The following EYA1 variants were observed in gnomAD, a reference collection of about 807,000 sequenced individuals.
The protein encoded by EYA1 is EYA transcriptional coactivator and phosphatase 1, also known as protein phosphatase EYA1.
A neutral mutation model predicts 82.0 loss-of-function variants in EYA1; 16 were observed. That is an observed-to-expected ratio of 0.20 (90% CI 0.13 to 0.30). The LOEUF (loss-of-function observed/expected upper bound fraction) is 0.30, where lower values mean the gene tolerates loss of function less well. EYA1 is among the 10% of genes least tolerant of loss of function. EYA1 has a pLI of 1.00. For synonymous variants in EYA1, 261 were observed against 264.4 expected (o/e 0.99, Z 0.12); for missense variants, 633 against 730.7 (o/e 0.87, Z 1.54).
At chr8:71,217,157 G>T in intron 12 of EYA1, 134 bp from the exon 13 acceptor site, 1 of 688,694 alleles carries the variant, frequency 1.5e-6, no homozygotes, top group Non-Finnish European at 2.6e-6. Context: ...ATCAGTAGGT[G>T]GCAGTCTTGT....
intron 2 of EYA1, among the ~76,000 whole-genome samples, chr8:71,424,902 C>G (rs1384975009): frequency 6.6e-6 from 1 of 151,868 alleles, no homozygotes; most frequent in Admixed American, 6.6e-5. Flanking sequence ...TCAAGAAAAG[C>G]CAGTAGAATT....
intron 2 of EYA1, among the ~76,000 whole-genome samples, chr8:71,391,982 G>A (rs1168892301): frequency 2.0e-5 from 3 of 152,182 alleles, no homozygotes; most frequent in Non-Finnish European, 4.4e-5. Flanking sequence ...GAAAAATAGA[G>A]TTTCTCTCAG....
At chr8:71,419,852 T>C (rs1261826118) in intron 2 of EYA1, among the ~76,000 whole-genome samples, 1 of 152,118 alleles carries the variant, frequency 6.6e-6, no homozygotes, top group Non-Finnish European at 1.5e-5. Context: ...CTACAAACTA[T>C]ATTAAGATTT....
chr8:71,198,525 C>T lies in EYA1; in HGVS notation c.*815G>A, dbSNP rs1471879183. ...GAATTTGTGCACGTGCTGCCTCATG[C>T]TTCACTATCCAGGCATTGCTACCTT... On this transcript the variant is annotated 3_prime_UTR_variant, in exon 18 of 18. Transcript: ENST00000340726. The T allele has an allele frequency of 6.6e-6, 1 of 152,584 alleles. No homozygotes were observed. Among genetic ancestry groups the T allele is most frequent in the Non-Finnish European group, 1.5e-5 (1 of 68,028 alleles). The allele number at this position is 152,584 out of a possible 1,614,324, so 9.5% of individuals were successfully genotyped here. A position where few individuals can be genotyped will look rare whatever the true frequency, so the allele number is the denominator to read the frequency against.
At chr8:71,440,699 A>C (rs1183439525) in intron 2 of EYA1, among the ~76,000 whole-genome samples, 1 of 152,204 alleles carries the variant, frequency 6.6e-6, no homozygotes, top group Non-Finnish European at 1.5e-5. Context: ...TCAAGTTCCC[A>C]TTGGAAATAT....
intron 2 of EYA1, among the ~76,000 whole-genome samples, chr8:71,399,611 A>C (rs1829836492): frequency 6.6e-6 from 1 of 152,186 alleles, no homozygotes; most frequent in African/African-American, 2.4e-5. Flanking sequence ...CTTCAAGGAG[A>C]ACTACAAACC....
At chr8:71,512,815 T>C (rs1361423100) in intron 2 of EYA1, among the ~76,000 whole-genome samples, 3 of 152,092 alleles carry the variant, frequency 2.0e-5, no homozygotes, top group Non-Finnish European at 2.9e-5. Flanking sequence ...AATAAAGTTT[T>C]CTTAGTAAAT....
chr8:71,354,971 C>A, intron 2 of EYA1, 62 bp from the exon 3 acceptor site: 1 of 1,532,302 alleles, frequency 6.5e-7, no homozygotes, highest in Non-Finnish European at 9.0e-7. Flanking sequence ...CCATTTAATG[C>A]GCTAATGACT....
intron 2 of EYA1, among the ~76,000 whole-genome samples, chr8:71,518,990 G>A (rs1022322804): frequency 6.6e-6 from 1 of 152,140 alleles, no homozygotes; most frequent in Non-Finnish European, 1.5e-5. Flanking sequence ...CACAAGAAAT[G>A]TGTAAAAAGC....
intron 9 of EYA1, among the ~76,000 whole-genome samples, chr8:71,285,579 T>C (rs1447747095): frequency 1.3e-5 from 2 of 152,202 alleles, no homozygotes; most frequent in African/African-American, 4.8e-5. Flanking sequence ...ATTATACAAG[T>C]AGGTTTGGAA....
At chr8:71,343,908 T>C (rs1341700926) in intron 3 of EYA1, among the ~76,000 whole-genome samples, 1 of 152,214 alleles carries the variant, frequency 6.6e-6, no homozygotes, top group Non-Finnish European at 1.5e-5. Context: ...CTATAAAATT[T>C]ATCATACAGA....
intron 17 of EYA1, among the ~76,000 whole-genome samples, chr8:71,203,232 C>T (rs1437093921): frequency 6.6e-6 from 1 of 152,098 alleles, no homozygotes; most frequent in Non-Finnish European, 1.5e-5. Flanking sequence ...CTCAGGGTTG[C>T]TTCTAGGTCA....
At chr8:71,423,311 CCAA>C (rs1326173193) in intron 2 of EYA1, among the ~76,000 whole-genome samples, 1 of 152,058 alleles carries the variant, frequency 6.6e-6, no homozygotes, top group African/African-American at 2.4e-5. Flanking sequence ...ATATTTTTCC[CCAA>C]CAACAACGGT....
At chr8:71,285,269 G>C (rs540638241) in intron 9 of EYA1, among the ~76,000 whole-genome samples, 3 of 152,290 alleles carry the variant, frequency 2.0e-5, no homozygotes, top group African/African-American at 7.2e-5. Flanking sequence ...TATAAAAGCT[G>C]AATCAAGGCA....
At chr8:71,252,087 G>A (rs60704568) in intron 11 of EYA1, among the ~76,000 whole-genome samples, 1 of 151,586 alleles carries the variant, frequency 6.6e-6, no homozygotes, top group Admixed American at 6.6e-5. Context: ...TTCCTCTTGG[G>A]GCCCTGCTTT....
intron 2 of EYA1, among the ~76,000 whole-genome samples, chr8:71,378,640 A>G (rs1323853225): frequency 3.3e-5 from 5 of 152,224 alleles, no homozygotes; most frequent in Non-Finnish European, 7.3e-5. Flanking sequence ...AGAAATGAAG[A>G]CACCAGAAAA....
chr8:71,340,127 G>A (rs959783512), intron 3 of EYA1, among the ~76,000 whole-genome samples: 3 of 152,102 alleles, frequency 2.0e-5, no homozygotes, highest in African/African-American at 4.8e-5. Flanking sequence ...TCATAATTTA[G>A]ATGTGCGTGA....
At chr8:71,319,191 C>T (rs139479721) in intron 6 of EYA1, among the ~76,000 whole-genome samples, 9,607 of 151,568 alleles carry the variant, frequency 0.063, 413 homozygotes, top group Middle Eastern at 0.13. Context: ...AGTGCAGTGG[C>T]GCAATCTCAG....
chr8:71,354,750 G>A (rs1014107153), intron 3 of EYA1, 32 bp downstream of exon 3: 32 of 1,606,642 alleles, frequency 2.0e-5, no homozygotes, highest in African/African-American at 2.7e-5. Context: ...GAAACAAGGT[G>A]CAAAGTAAAT....
Sources: allele counts gnomAD v4.1 joint callset (sites outside exome capture counted in the v4.1 genomes callset), GRCh38; gene constraint gnomAD v4.1.1; transcripts MANE v1.5; gene names NCBI Gene and HGNC (gene_info 2026-07-23, HGNC 2026-07-21).